The following KLF12 variants were observed in gnomAD, a reference collection of about 807,000 sequenced individuals.
KLF12 encodes the protein Krueppel-like factor 12.
KLF12 carries 9 observed loss-of-function variants against 37.8 expected under a neutral mutation model. The ratio of observed to expected loss-of-function variants is 0.24; its 90% CI spans 0.14 to 0.42. KLF12 has a LOEUF of 0.42. Among genes scored for constraint, KLF12 ranks in the 10% least tolerant of loss-of-function variants. KLF12 has a pLI of 1.00. For missense variants in KLF12, 411 were observed against 516.0 expected, an observed-to-expected ratio of 0.80 and a Z score of 1.97; for synonymous variants, 208 against 202.1, an observed-to-expected ratio of 1.03 and a Z score of -0.25.
At chr13:74,113,890 T>C (rs1345783428) in intron 1 of KLF12, among the ~76,000 whole-genome samples, 1 of 152,218 alleles carries the variant, frequency 6.6e-6, no homozygotes, top group East Asian at 1.9e-4. Context: ...ATTTGTGATT[T>C]ATGCAAGGAG....
the KLF12 span, among the ~76,000 whole-genome samples, chr13:74,289,920 G>A: frequency 6.6e-6 from 1 of 152,134 alleles, no homozygotes; most frequent in South Asian, 2.1e-4. Flanking sequence ...AATCCTAAGA[G>A]TTAAAAACTT....
chr13:73,996,590 A>C (rs1439707194), intron 1 of KLF12, among the ~76,000 whole-genome samples: 1 of 152,240 alleles, frequency 6.6e-6, no homozygotes, highest in Non-Finnish European at 1.5e-5. Context: ...CACTGAGGGA[A>C]TATATCATTA....
the KLF12 span, among the ~76,000 whole-genome samples, chr13:74,153,844 C>A: frequency 6.6e-6 from 1 of 152,232 alleles, no homozygotes; most frequent in Admixed American, 6.5e-5. Context: ...ACCTGCCCGC[C>A]TGAATTTTTA....
chr13:73,725,383 A>G (rs1293836252), intron 6 of KLF12, among the ~76,000 whole-genome samples: 2 of 152,242 alleles, frequency 1.3e-5, no homozygotes, highest in Non-Finnish European at 2.9e-5. Context: ...TACAGGCGTG[A>G]GCCATCACGC....
chr13:74,113,525 G>T (rs185837574), intron 1 of KLF12, among the ~76,000 whole-genome samples: 1 of 152,306 alleles, frequency 6.6e-6, no homozygotes. Flanking sequence ...AACAAAGCCT[G>T]GATAATGGCA....
intron 4 of KLF12, among the ~76,000 whole-genome samples, chr13:73,827,484 T>C (rs1018500273): frequency 1.3e-5 from 2 of 152,202 alleles, no homozygotes; most frequent in African/African-American, 4.8e-5. Flanking sequence ...AAATACAAGA[T>C]TGAGCATGCT....
intron 1 of KLF12, among the ~76,000 whole-genome samples, chr13:73,995,765 A>G (rs1044329681): frequency 6.6e-6 from 1 of 152,238 alleles, no homozygotes; most frequent in Non-Finnish European, 1.5e-5. Flanking sequence ...TGATTATAAT[A>G]GACCATTTGC....
chr13:74,206,551 T>C, the KLF12 span, among the ~76,000 whole-genome samples: 13,696 of 152,128 alleles, frequency 0.09, 1,790 homozygotes, highest in African/African-American at 0.29. Flanking sequence ...CCCCAGGAAA[T>C]TGGGTAATTA....
intron 1 of KLF12, among the ~76,000 whole-genome samples, chr13:74,042,737 T>C (rs1893440796): frequency 6.6e-6 from 1 of 152,190 alleles, no homozygotes; most frequent in Admixed American, 6.5e-5. Flanking sequence ...AAATATTAAA[T>C]ATTTGCAATG....
chr13:73,933,956 A>G (rs1371204121), intron 3 of KLF12, among the ~76,000 whole-genome samples: 1 of 152,062 alleles, frequency 6.6e-6, no homozygotes, highest in Non-Finnish European at 1.5e-5. Flanking sequence ...AGCTTTTTTC[A>G]TCTTACAAAA....
chr13:74,064,192 G>A (rs926624795), intron 1 of KLF12, among the ~76,000 whole-genome samples: 2 of 152,038 alleles, frequency 1.3e-5, no homozygotes, highest in African/African-American at 4.8e-5. Flanking sequence ...TGGTGATGAT[G>A]GAAAACCACC....
intron 1 of KLF12, among the ~76,000 whole-genome samples, chr13:74,097,053 A>C (rs991211576): frequency 6.6e-6 from 1 of 152,204 alleles, no homozygotes; most frequent in African/African-American, 2.4e-5. Context: ...TCCAAGTCTT[A>C]ATAAGGAGAA....
At chr13:74,276,117 C>G in the KLF12 span, among the ~76,000 whole-genome samples, 1 of 151,670 alleles carries the variant, frequency 6.6e-6, no homozygotes, top group Non-Finnish European at 1.5e-5. Flanking sequence ...TCCTAATGCT[C>G]TCCCTCCCCT....
At chr13:73,712,655 A>C (rs965370147) in intron 7 of KLF12, among the ~76,000 whole-genome samples, 6 of 152,222 alleles carry the variant, frequency 3.9e-5, no homozygotes, top group African/African-American at 1.4e-4. Flanking sequence ...TCTATGAAAT[A>C]AGAGTCCACT....
At position 73,829,883 on chromosome 13, in the gene KLF12, C is replaced by T. The variant is rs1451844863; in HGVS notation, c.670+15944G>A. ...ACAATACTGAAAAATAGTTATAAAC[C>T]ATTCAGTGGCTTATTTAGACTTGTA... On this transcript the variant is annotated intron_variant, in intron 4 of 7. Coordinates refer to ENST00000377669, the MANE Select transcript of KLF12 (RefSeq NM_007249.5). Among the ~76,000 whole-genome samples, 18 of 152,052 alleles carry T rather than the reference C, an allele frequency of 1.2e-4. 1 individual carries two copies. Among genetic ancestry groups the T allele is most frequent in the Admixed American group, 1.2e-3 (18 of 15,262 alleles).
chr13:73,692,740 G>A lies in KLF12; in HGVS notation c.*2750C>T, dbSNP rs1388958971. The A allele has an allele frequency of 1.3e-5, 2 of 152,654 alleles. No homozygotes were observed. Among genetic ancestry groups the A allele is most frequent in the Admixed American group, 6.5e-5 (1 of 15,282 alleles). The allele number at this position is 152,654 out of a possible 1,614,324, so 9.5% of individuals were successfully genotyped here. A position where few individuals can be genotyped will look rare whatever the true frequency, so the allele number is the denominator to read the frequency against. On this transcript the variant is annotated 3_prime_UTR_variant, in exon 8 of 8. Coordinates refer to ENST00000377669, the MANE Select transcript of KLF12 (RefSeq NM_007249.5). The stretch of plus-strand genomic sequence containing the variant: ...CAAGACAAGCCCCAAAGAAGTTTCA[G>A]TTCCTGAGGCTAGACCAGGGACTCA...
At chr13:74,103,965 A>T (rs1451019817) in intron 1 of KLF12, among the ~76,000 whole-genome samples, 4 of 152,228 alleles carry the variant, frequency 2.6e-5, no homozygotes, top group Non-Finnish European at 2.9e-5. Flanking sequence ...CTGAAAAGCA[A>T]ATGTAATACT....
intron 5 of KLF12, among the ~76,000 whole-genome samples, chr13:73,802,926 C>T (rs1882355237): frequency 6.6e-6 from 1 of 152,064 alleles, no homozygotes; most frequent in African/African-American, 2.4e-5. Flanking sequence ...AACATGTACA[C>T]TAATATGGAC....
chr13:73,895,602 C>A (rs1250341518), intron 3 of KLF12, among the ~76,000 whole-genome samples: 1 of 151,834 alleles, frequency 6.6e-6, no homozygotes, highest in Non-Finnish European at 1.5e-5. Flanking sequence ...GAATTATGAA[C>A]CATATATAAA....
Sources: gnomAD v4.1 joint callset for allele counts (sites outside exome capture counted in the v4.1 genomes callset) on GRCh38, gnomAD v4.1.1 for gene constraint, MANE v1.5 for transcripts, NCBI Gene and HGNC (gene_info 2026-07-23, HGNC 2026-07-21) for gene names.